The following TNFSF4 variants were observed in gnomAD, a reference collection of about 807,000 sequenced individuals.
The protein encoded by TNFSF4 is tumor necrosis factor ligand superfamily member 4.
In TNFSF4, 4 loss-of-function variants were observed where a neutral mutation model predicts 7.3. The ratio of observed to expected loss-of-function variants is 0.55; its 90% CI spans 0.27 to 1.25. The LOEUF is 1.25. Among genes scored for constraint, TNFSF4 ranks in the 50% most tolerant of loss-of-function variants. The pLI, the probability that TNFSF4 is intolerant of heterozygous loss-of-function variation, is 0.12. For missense variants in TNFSF4, 181 were observed against 208.8 expected, an observed-to-expected ratio of 0.87 and a Z score of 0.82; for synonymous variants, 76 against 83.7, an observed-to-expected ratio of 0.91 and a Z score of 0.50.
At chr1:173,443,552 A>G in the TNFSF4 span, among the ~76,000 whole-genome samples, 2 of 152,202 alleles carry the variant, frequency 1.3e-5, no homozygotes, top group Non-Finnish European at 2.9e-5. Flanking sequence ...ATTTTCGAAG[A>G]AAGATAGATG....
chr1:173,440,918 C>T, the TNFSF4 span, among the ~76,000 whole-genome samples: 2 of 152,156 alleles, frequency 1.3e-5, no homozygotes, highest in African/African-American at 2.4e-5. Flanking sequence ...CACTAAATTT[C>T]TAAATCTTTA....
At chr1:173,325,037 C>T in the TNFSF4 span, among the ~76,000 whole-genome samples, 2 of 152,200 alleles carry the variant, frequency 1.3e-5, no homozygotes, top group Admixed American at 1.3e-4. Flanking sequence ...ACAGAACTCT[C>T]CACCCCAAAT....
the TNFSF4 span, among the ~76,000 whole-genome samples, chr1:173,314,388 G>A: frequency 0.29 from 43,372 of 151,790 alleles, 6,553 homozygotes; most frequent in Non-Finnish European, 0.33. Flanking sequence ...CTCAGCCTAC[G>A]AAACCATGAG....
the TNFSF4 span, among the ~76,000 whole-genome samples, chr1:173,340,160 A>C: frequency 1.3e-5 from 2 of 152,024 alleles, no homozygotes; most frequent in African/African-American, 4.8e-5. Context: ...CTGTCTTTGG[A>C]TTCGAACTGA....
At chr1:173,434,243 A>C in the TNFSF4 span, among the ~76,000 whole-genome samples, 1 of 152,190 alleles carries the variant, frequency 6.6e-6, no homozygotes, top group Non-Finnish European at 1.5e-5. Context: ...ACCTTCCCTT[A>C]TATTTTCTTG....
the TNFSF4 span, among the ~76,000 whole-genome samples, chr1:173,381,844 C>A: frequency 2.0e-5 from 3 of 152,240 alleles, no homozygotes; most frequent in South Asian, 6.2e-4. Context: ...CACCAATCAG[C>A]GCTCTGTGTC....
intron 1 of TNFSF4, among the ~76,000 whole-genome samples, chr1:173,202,287 T>A (rs901119128): frequency 6.6e-6 from 1 of 152,186 alleles, no homozygotes; most frequent in Non-Finnish European, 1.5e-5. Flanking sequence ...TATATGTGCA[T>A]ACACGTGCAA....
chr1:173,293,910 T>C, the TNFSF4 span, among the ~76,000 whole-genome samples: 9 of 152,048 alleles, frequency 5.9e-5, no homozygotes. Flanking sequence ...AAAACCACAA[T>C]GAGATACTGT....
At chr1:173,281,553 T>C in the TNFSF4 span, among the ~76,000 whole-genome samples, 1 of 152,196 alleles carries the variant, frequency 6.6e-6, no homozygotes, top group Admixed American at 6.6e-5. Flanking sequence ...TGAATATCCC[T>C]TTAAATTATA....
At chr1:173,408,592 AGTT>A in the TNFSF4 span, among the ~76,000 whole-genome samples, 3 of 151,752 alleles carry the variant, frequency 2.0e-5, no homozygotes, top group African/African-American at 7.3e-5. Flanking sequence ...TGCAGAATGG[AGTT>A]GTTTTTTTTT....
chr1:173,175,361 T>C, the TNFSF4 span: 1 of 152,234 alleles, frequency 6.6e-6, no homozygotes, highest in Admixed American at 6.5e-5. Flanking sequence ...CCTAACACAG[T>C]GGCAGGTACT....
chr1:173,201,208 C>T (rs1004411436), intron 1 of TNFSF4, among the ~76,000 whole-genome samples: 3 of 152,168 alleles, frequency 2.0e-5, no homozygotes, highest in African/African-American at 7.2e-5. Context: ...GACACTGAAC[C>T]TAATCACACT....
At chr1:173,344,472 G>T in the TNFSF4 span, among the ~76,000 whole-genome samples, 46 of 152,236 alleles carry the variant, frequency 3.0e-4, no homozygotes, top group African/African-American at 1.1e-3. Context: ...AAATGTAAAG[G>T]GATGATATAT....
At chr1:173,380,086 T>G in the TNFSF4 span, among the ~76,000 whole-genome samples, 1 of 152,160 alleles carries the variant, frequency 6.6e-6, no homozygotes, top group Non-Finnish European at 1.5e-5. Context: ...AGTGTTAATC[T>G]CCTGTCCCAG....
the TNFSF4 span, among the ~76,000 whole-genome samples, chr1:173,328,436 A>G: frequency 6.6e-6 from 1 of 152,042 alleles, no homozygotes; most frequent in African/African-American, 2.4e-5. Context: ...GCACACTAAC[A>G]TGGCACATGT....
the TNFSF4 span, among the ~76,000 whole-genome samples, chr1:173,443,265 GT>G: frequency 2.6e-5 from 4 of 152,094 alleles, no homozygotes; most frequent in Non-Finnish European, 5.9e-5. Context: ...GAACAATGTT[GT>G]TTTTTAAAGG....
intron 1 of TNFSF4, among the ~76,000 whole-genome samples, chr1:173,190,733 G>A (rs1437155171): frequency 1.3e-5 from 2 of 152,156 alleles, no homozygotes; most frequent in East Asian, 3.9e-4. Flanking sequence ...CTGCTCTCTG[G>A]GCTAAGTGCC....
At chr1:173,417,096 A>G in the TNFSF4 span, among the ~76,000 whole-genome samples, 1 of 152,222 alleles carries the variant, frequency 6.6e-6, no homozygotes, top group African/African-American at 2.4e-5. Flanking sequence ...CTAAGAGGTA[A>G]GTGGTGCTCA....
chr1:173,181,302 C>T (rs77092954), downstream of TNFSF4, among the ~76,000 whole-genome samples: 224 of 152,208 alleles, frequency 1.5e-3, no homozygotes, highest in African/African-American at 4.7e-3. Flanking sequence ...TTGTTTTTAA[C>T]CTCAAGCCTC....
Sources: gnomAD v4.1 joint callset for allele counts (sites outside exome capture counted in the v4.1 genomes callset) on GRCh38, gnomAD v4.1.1 for gene constraint, MANE v1.5 for transcripts, NCBI Gene and HGNC (gene_info 2026-07-23, HGNC 2026-07-21) for gene names.